The following DPP10 variants were observed in gnomAD, a reference collection of about 807,000 sequenced individuals.
The protein encoded by DPP10 is dipeptidyl peptidase like 10, also known as inactive dipeptidyl peptidase 10.
DPP10 carries 33 observed loss-of-function variants against 120.9 expected under a neutral mutation model. The ratio of observed to expected loss-of-function variants is 0.27; its 90% CI spans 0.21 to 0.37. The LOEUF is 0.37. Ranked by LOEUF, DPP10 falls within the 10% of genes least tolerant of loss-of-function variation. The pLI, the probability that DPP10 is intolerant of heterozygous loss-of-function variation, is 1.00. For synonymous variants in DPP10, 337 were observed against 326.1 expected (o/e 1.03, Z -0.36); for missense variants, 816 against 942.8 (o/e 0.87, Z 1.76).
intron 1 of DPP10, among the ~76,000 whole-genome samples, chr2:115,013,913 C>T (rs1288055648): frequency 6.6e-6 from 1 of 152,148 alleles, no homozygotes; most frequent in African/African-American, 2.4e-5. Context: ...TAACAGCCCA[C>T]TATCAATTTT....
intron 3 of DPP10, among the ~76,000 whole-genome samples, chr2:115,415,853 A>ATATATT (rs2069361034): frequency 7.6e-6 from 1 of 132,430 alleles, no homozygotes; most frequent in Non-Finnish European, 1.6e-5. Context: ...ATATATATAT[A>ATATATT]TATATATATA....
rs142822456 is a variant in DPP10, at chr2:115,443,168, CAT to C, written c.272-56341_272-56340del. Among the ~76,000 whole-genome samples, 92 of 152,272 alleles carry C rather than the reference CAT, an allele frequency of 6.0e-4. 4 individuals carry two copies. In the East Asian group the frequency reaches 0.017, roughly 28 times the overall value. On this transcript the variant is annotated intron_variant, in intron 3 of 25. Coordinates refer to ENST00000410059, the MANE Select transcript of DPP10 (RefSeq NM_020868.6). ...CCACATAATTTTCATTAATATCAATCATGTGTACAAATATTTTAGCATGAATT... is the reference window on the plus strand; with the variant it reads ...CCACATAATTTTCATTAATATCAATCGTGTACAAATATTTTAGCATGAATT...
intron 1 of DPP10, among the ~76,000 whole-genome samples, chr2:114,806,980 C>T (rs1263980117): frequency 6.6e-6 from 1 of 152,164 alleles, no homozygotes; most frequent in Non-Finnish European, 1.5e-5. Flanking sequence ...CAGAATCAGT[C>T]GTGAAACTAA....
chr2:114,490,055 C>T (rs1448294608), intron 1 of DPP10, among the ~76,000 whole-genome samples: 1 of 152,182 alleles, frequency 6.6e-6, no homozygotes, highest in African/African-American at 2.4e-5. Flanking sequence ...ATGACTTCTC[C>T]ACCAGAGACT....
chr2:114,948,378 A>C (rs1190148251), intron 1 of DPP10, among the ~76,000 whole-genome samples: 1 of 151,878 alleles, frequency 6.6e-6, no homozygotes, highest in African/African-American at 2.4e-5. Flanking sequence ...AAAATTTTAT[A>C]TTTTCCTGCA....
chr2:114,831,858 A>AT (rs1400072469), intron 1 of DPP10, among the ~76,000 whole-genome samples: 3 of 31,482 alleles, frequency 9.5e-5, no homozygotes, highest in Non-Finnish European at 3.1e-4. Context: ...ATTAAAAAAA[A>AT]TATATATATA....
At chr2:114,597,399 G>C (rs1467034267) in intron 1 of DPP10, among the ~76,000 whole-genome samples, 1 of 152,004 alleles carries the variant, frequency 6.6e-6, no homozygotes, top group Non-Finnish European at 1.5e-5. Context: ...GAAATAATCA[G>C]AACAAGTCAT....
intron 1 of DPP10, among the ~76,000 whole-genome samples, chr2:115,050,676 AG>A (rs1705405721): frequency 6.6e-6 from 1 of 152,202 alleles, no homozygotes; most frequent in Non-Finnish European, 1.5e-5. Flanking sequence ...ACGTAGGTAC[AG>A]GGCAGTGCAA....
chr2:115,179,212 CAAT>C (rs766914568), intron 1 of DPP10, among the ~76,000 whole-genome samples: 2 of 151,968 alleles, frequency 1.3e-5, no homozygotes, highest in Non-Finnish European at 2.9e-5. Context: ...GTTAAGGAAA[CAAT>C]AAAATAATAT....
Position 115,681,752 on chromosome 2 carries a change from CTCTT to C in DPP10, c.442-7931_442-7928del, listed in dbSNP as rs1184599798. On this transcript the variant is annotated intron_variant, in intron 5 of 25. Coordinates refer to ENST00000410059, the MANE Select transcript of DPP10 (RefSeq NM_020868.6). ...TTCCTTTCTTCCTTTCTCTCTCTCT[CTCTT>C]TCTCTTTCTCCTTCTCTCTCTTTCT... is the stretch of plus-strand genomic sequence containing the variant. Among the ~76,000 whole-genome samples the C allele has an allele frequency of 1.4e-3, 200 of 148,132 alleles. 1 individual carries two copies. The highest frequency in any genetic ancestry group is 4.4e-3 in the African/African-American group (178 of 40,336).
At chr2:114,946,337 A>T (rs965225310) in intron 1 of DPP10, among the ~76,000 whole-genome samples, 24 of 152,320 alleles carry the variant, frequency 1.6e-4, no homozygotes, top group Admixed American at 1.1e-3. Flanking sequence ...TTCTTTAAAA[A>T]GTTTTTTTAA....
At chr2:115,528,837 A>G (rs1000597538) in intron 5 of DPP10, among the ~76,000 whole-genome samples, 1 of 151,916 alleles carries the variant, frequency 6.6e-6, no homozygotes, top group African/African-American at 2.4e-5. Flanking sequence ...AGAAGAGATT[A>G]GTAGTTTCCA....
intron 2 of DPP10, among the ~76,000 whole-genome samples, chr2:115,311,701 G>GC (rs769684233): frequency 2.0e-5 from 3 of 152,050 alleles, no homozygotes; most frequent in Non-Finnish European, 4.4e-5. Flanking sequence ...GAACACCACA[G>GC]CCCCCCAACT....
intron 1 of DPP10, among the ~76,000 whole-genome samples, chr2:115,076,008 C>G (rs150269703): frequency 2.0e-5 from 3 of 152,004 alleles, no homozygotes; most frequent in Admixed American, 6.6e-5. Context: ...TTTCATTCAC[C>G]CTGTGCTACA....
chr2:115,407,685 T>A lies in DPP10; in HGVS notation c.271+63773T>A, dbSNP rs566235195. 1.3e-3 allele frequency among the ~76,000 whole-genome samples: 189 copies of A among 148,964 alleles called. 2 individuals are homozygous for A. Among genetic ancestry groups the A allele is most frequent in the African/African-American group, 4.5e-3 (181 of 40,162 alleles). On this transcript the variant is annotated intron_variant, in intron 3 of 25. Transcript: ENST00000410059. ...TGAAAGCCCACTGGAAAAAAAAAAA[T>A]ACTTTTACCTTTTTGCCAGCGTGTT...
chr2:114,553,983 G>A (rs887443630), intron 1 of DPP10, among the ~76,000 whole-genome samples: 1 of 152,162 alleles, frequency 6.6e-6, no homozygotes, highest in African/African-American at 2.4e-5. Flanking sequence ...AGATACATAA[G>A]ATGATTTCCA....
At chr2:115,313,202 A>G (rs534535269) in intron 2 of DPP10, among the ~76,000 whole-genome samples, 1 of 152,242 alleles carries the variant, frequency 6.6e-6, no homozygotes, top group South Asian at 2.1e-4. Context: ...CAGCCTGGTG[A>G]CAGAACGAGA....
chr2:114,705,887 G>T (rs1700655897), intron 1 of DPP10, among the ~76,000 whole-genome samples: 1 of 152,120 alleles, frequency 6.6e-6, no homozygotes, highest in African/African-American at 2.4e-5. Flanking sequence ...TATATTATTT[G>T]CCCAGGTCCA....
chr2:115,009,301 C>T (rs1158564255), intron 1 of DPP10, among the ~76,000 whole-genome samples: 1 of 151,622 alleles, frequency 6.6e-6, no homozygotes, highest in African/African-American at 2.4e-5. Flanking sequence ...AAATTGGAAA[C>T]CATCATTCTC....
Sources: allele counts gnomAD v4.1 joint callset (sites outside exome capture counted in the v4.1 genomes callset), GRCh38; gene constraint gnomAD v4.1.1; transcripts MANE v1.5; gene names NCBI Gene and HGNC (gene_info 2026-07-23, HGNC 2026-07-21).